The following ATP1B1 variants were observed in gnomAD, a reference collection of about 807,000 sequenced individuals.
ATP1B1 encodes the protein sodium/potassium-transporting ATPase subunit beta-1.
Under a neutral mutation model 39.6 loss-of-function variants are expected in ATP1B1, and 3 were observed. That is an observed-to-expected ratio of 0.08 (90% confidence interval 0.03 to 0.20). The LOEUF is 0.20. ATP1B1 is among the 10% of genes least tolerant of loss of function. The pLI is 1.00. For missense variants in ATP1B1, 216 were observed against 371.1 expected (o/e 0.58, Z 3.43); for synonymous variants, 139 against 135.0 (o/e 1.03, Z -0.20).
intron 1 of ATP1B1, among the ~76,000 whole-genome samples, chr1:169,110,204 A>G (rs76258813): frequency 6.6e-6 from 1 of 152,132 alleles, no homozygotes; most frequent in Non-Finnish European, 1.5e-5. Flanking sequence ...ATGTATGGAC[A>G]GGGCAACAAG....
At chr1:169,110,585 TTGC>T in intron 1 of ATP1B1, 9 of 1,001,824 alleles carry the variant, frequency 9.0e-6, no homozygotes, top group Non-Finnish European at 1.2e-5. Flanking sequence ...TTTTTTTTTT[TTGC>T]TTTTGCAGCT....
intron 2 of ATP1B1, among the ~76,000 whole-genome samples, chr1:169,113,763 T>G (rs969701969): frequency 6.6e-6 from 1 of 152,190 alleles, no homozygotes; most frequent in Non-Finnish European, 1.5e-5. Flanking sequence ...CCCTGACTTC[T>G]CCAAAGGAAT....
At chr1:169,110,390 G>A (rs1247531012) in intron 1 of ATP1B1, among the ~76,000 whole-genome samples, 2 of 152,114 alleles carry the variant, frequency 1.3e-5, no homozygotes, top group African/African-American at 4.8e-5. Flanking sequence ...TCGTGCTTCT[G>A]ACTCGATAAC....
Position 169,132,493 on chromosome 1 carries a change from C to T in ATP1B1, c.*938C>T. 1 of 424,136 alleles carries T rather than the reference C, an allele frequency of 2.4e-6. No individual in the cohort carries two copies. The allele number at this position is 424,136 out of a possible 1,614,324, so 26.3% of individuals were successfully genotyped here. On this transcript the variant is annotated 3_prime_UTR_variant, in exon 6 of 6. Coordinates refer to ENST00000367815, the MANE Select transcript of ATP1B1 (RefSeq NM_001677.4). ...AGTTGTACAATTTTATTTTTTTCTGCAAGAAAAAGTGTAATGTATGAAATA... is the reference window on the plus strand; with the variant it reads ...AGTTGTACAATTTTATTTTTTTCTGTAAGAAAAAGTGTAATGTATGAAATA...
At chr1:169,109,425 C>T (rs1397812237) in intron 1 of ATP1B1, among the ~76,000 whole-genome samples, 1 of 151,862 alleles carries the variant, frequency 6.6e-6, no homozygotes, top group Non-Finnish European at 1.5e-5. Flanking sequence ...TGAGCCACTG[C>T]ATAGGCCCCT....
intron 4 of ATP1B1, among the ~76,000 whole-genome samples, chr1:169,128,793 G>A (rs1658140928): frequency 6.6e-6 from 1 of 152,214 alleles, no homozygotes; most frequent in African/African-American, 2.4e-5. Flanking sequence ...GGACCCCACA[G>A]AGGCAGTCTA....
In ATP1B1 at chr1:169,125,190, A is replaced by G. The variant is rs1248203515; in HGVS notation, c.382+151A>G. On this transcript the variant is annotated intron_variant, in intron 3 of 5. Coordinates refer to ENST00000367815, the MANE Select transcript of ATP1B1 (RefSeq NM_001677.4). ...ATATTTAGACACTTTTTTTAAAAAA[A>G]GCAGGAAGACACAATGAAAAACAGT... 2.8e-5 allele frequency: 30 copies of G among 1,067,670 alleles called. No homozygotes were observed. In the South Asian group the frequency reaches 3.2e-4, roughly 11 times the overall value. The allele number at this position is 1,067,670 out of a possible 1,614,324, so 66.1% of individuals were successfully genotyped here.
intron 4 of ATP1B1, among the ~76,000 whole-genome samples, chr1:169,128,295 CTCATT>C (rs1239007434): frequency 2.0e-5 from 3 of 152,194 alleles, no homozygotes; most frequent in African/African-American, 7.2e-5. Flanking sequence ...TGTGAACAAA[CTCATT>C]TCATTTCTGA....
At chr1:169,122,749 T>G (rs1196158637) in intron 2 of ATP1B1, among the ~76,000 whole-genome samples, 1 of 88,264 alleles carries the variant, frequency 1.1e-5, no homozygotes, top group East Asian at 1.4e-3. Context: ...CAGGATGATT[T>G]TTTTTTTTTT....
chr1:169,130,707 T>C (rs10919072), intron 5 of ATP1B1, among the ~76,000 whole-genome samples: 80,954 of 145,668 alleles, frequency 0.56, 22,744 homozygotes, highest in East Asian at 0.83. Flanking sequence ...CGCTTGGACC[T>C]GGGAGGCGGA....
chr1:169,119,307 T>C (rs1229334151), intron 2 of ATP1B1, among the ~76,000 whole-genome samples: 1 of 152,238 alleles, frequency 6.6e-6, no homozygotes, highest in Non-Finnish European at 1.5e-5. Flanking sequence ...GATATATAGC[T>C]TAAGGCAAAT....
chr1:169,125,082 T>C, intron 3 of ATP1B1, 43 bp downstream of exon 3: 1 of 1,541,402 alleles, frequency 6.5e-7, no homozygotes, highest in Non-Finnish European at 8.7e-7. Flanking sequence ...GTTTTCTTTC[T>C]CTTTAACTCT....
chr1:169,126,710 C>T (rs1177880925), intron 3 of ATP1B1, among the ~76,000 whole-genome samples: 1 of 151,266 alleles, frequency 6.6e-6, no homozygotes, highest in Non-Finnish European at 1.5e-5. Flanking sequence ...GACCCTGTCT[C>T]AAAAAAACCC....
intron 4 of ATP1B1, among the ~76,000 whole-genome samples, chr1:169,127,826 C>A (rs12084554): frequency 0.014 from 2,166 of 151,792 alleles, 52 homozygotes; most frequent in African/African-American, 0.049. Context: ...AAAATTTTAA[C>A]CCACTTGCAT....
chr1:169,130,549 G>A (rs1160190334), intron 5 of ATP1B1, among the ~76,000 whole-genome samples: 1 of 152,052 alleles, frequency 6.6e-6, no homozygotes, highest in African/African-American at 2.4e-5. Flanking sequence ...AGCACTTTGG[G>A]AGGCCGAGAT....
At chr1:169,127,118 A>G in intron 3 of ATP1B1, 106 bp from the exon 4 acceptor site, 1 of 1,205,354 alleles carries the variant, frequency 8.3e-7, no homozygotes, top group Non-Finnish European at 1.1e-6. Context: ...AATGCAGAAT[A>G]GCGTACTCTC....
At position 169,120,950 on chromosome 1, in the gene ATP1B1, C is replaced by CTT. The variant is rs5778600; in HGVS notation, c.227-3920_227-3919dup. On this transcript the variant is annotated intron_variant, in intron 2 of 5. Coordinates refer to ENST00000367815, the MANE Select transcript of ATP1B1 (RefSeq NM_001677.4). ...TTTCTTTCTCTTTTTCTTTTCTTTTCTTTTTTTTTTTTTTTGAGACAGAGT... is the reference window on the plus strand; with the variant it reads ...TTTCTTTCTCTTTTTCTTTTCTTTTCTTTTTTTTTTTTTTTTTGAGACAGAGT... 4.7e-3 allele frequency among the ~76,000 whole-genome samples: 639 copies of CTT among 134,802 alleles called. 3 individuals are homozygous for CTT. Among genetic ancestry groups the CTT allele is most frequent in the African/African-American group, 8.8e-3 (315 of 35,952 alleles). The allele number at this position is 134,802 out of a possible 152,430, so 88.4% of individuals were successfully genotyped here.
chr1:169,110,543 C>A, intron 1 of ATP1B1: 1 of 901,006 alleles, frequency 1.1e-6, no homozygotes, highest in Non-Finnish European at 1.5e-6. Context: ...GATAGCCACC[C>A]TCATTCCCAT....
Position 169,124,953 on chromosome 1 carries a change from A to G in ATP1B1, c.296A>G (p.Glu99Gly). The change falls in exon 3 of 6, where the codon GAG becomes GGG. Residue 99 changes from glutamate (E) to glycine (G), a missense_variant. Coordinates refer to ENST00000367815, the MANE Select transcript of ATP1B1 (RefSeq NM_001677.4). Reference protein sequence around the residue: ...SFRPNDPKSYEAYVLNIVRFL... With the variant: ...SFRPNDPKSYGAYVLNIVRFL... ...CGTCCTAATGATCCCAAGAGCTATG[A>G]GGCATATGTACTGAACATAGTTAGG... 6.2e-7 allele frequency: 1 copy of G among 1,614,076 alleles called. No homozygotes were observed. The highest frequency in any genetic ancestry group is 2.2e-5 in the East Asian group (1 of 44,872).
Sources: gnomAD v4.1 joint callset for allele counts (sites outside exome capture counted in the v4.1 genomes callset) on GRCh38, gnomAD v4.1.1 for gene constraint, MANE v1.5 for transcripts, NCBI Gene and HGNC (gene_info 2026-07-23, HGNC 2026-07-21) for gene names.